Variants in RHBDL3 observed in about 807,000 individuals in gnomAD.
The protein encoded by RHBDL3 is rhomboid like 3.
RHBDL3 carries 28 observed loss-of-function variants against 48.2 expected under a neutral mutation model. That is an observed-to-expected ratio of 0.58 (90% CI 0.43 to 0.80). The LOEUF (loss-of-function observed/expected upper bound fraction) is 0.80, where lower values mean the gene tolerates loss of function less well. Among genes scored for constraint, RHBDL3 ranks in the 30% least tolerant of loss-of-function variants. The probability of loss-of-function intolerance (pLI) is 0.00; values close to 1 mark genes in which losing one functional copy is unlikely to be tolerated. For missense variants in RHBDL3, 464 were observed against 542.7 expected, an observed-to-expected ratio of 0.85 and a Z score of 1.44; for synonymous variants, 208 against 232.3, an observed-to-expected ratio of 0.90 and a Z score of 0.95.
intron 2 of RHBDL3, among the ~76,000 whole-genome samples, chr17:32,269,675 C>A (rs1233253224): frequency 6.6e-6 from 1 of 152,234 alleles, no homozygotes; most frequent in African/African-American, 2.4e-5. Flanking sequence ...GCCACTGCCA[C>A]CACTACCACC....
intron 2 of RHBDL3, among the ~76,000 whole-genome samples, chr17:32,268,824 A>C (rs2039697640): frequency 6.6e-6 from 1 of 152,070 alleles, no homozygotes; most frequent in African/African-American, 2.4e-5. Flanking sequence ...TTGTTATGTG[A>C]TCCAAGCCAG....
At position 32,321,627 on chromosome 17, in the gene RHBDL3, T is replaced by G. The variant is rs1440685946; in HGVS notation, c.*398T>G. On this transcript the variant is annotated 3_prime_UTR_variant, in exon 9 of 9. Coordinates refer to ENST00000269051, the MANE Select transcript of RHBDL3 (RefSeq NM_138328.3). ...GAGACCCTAAGAGACATGGGAAGGC[T>G]CGAAGGTTGTTGCGTCCAGGCATGG... 10 of 345,382 alleles carry G rather than the reference T, an allele frequency of 2.9e-5. No homozygotes were observed. Among genetic ancestry groups the G allele is most frequent in the Non-Finnish European group, 5.6e-5 (10 of 179,032 alleles). The allele number at this position is 345,382 out of a possible 1,614,324, so 21.4% of individuals were successfully genotyped here.
intron 4 of RHBDL3, among the ~76,000 whole-genome samples, chr17:32,293,550 A>G (rs1379570032): frequency 6.6e-6 from 1 of 151,344 alleles, no homozygotes; most frequent in Non-Finnish European, 1.5e-5. Context: ...ATTGCACTCC[A>G]GCCTGGACGA....
chr17:32,273,771 C>G (rs1184435330), intron 2 of RHBDL3, among the ~76,000 whole-genome samples: 1 of 152,134 alleles, frequency 6.6e-6, no homozygotes, highest in Non-Finnish European at 1.5e-5. Flanking sequence ...AGTCTCACCC[C>G]GTTGTCCAGG....
At chr17:32,301,671 A>G (rs1172379549) in intron 6 of RHBDL3, among the ~76,000 whole-genome samples, 1 of 151,990 alleles carries the variant, frequency 6.6e-6, no homozygotes, top group Non-Finnish European at 1.5e-5. Context: ...AAATACAAAA[A>G]TTAGCTGGGC....
At chr17:32,298,270 G>A in intron 6 of RHBDL3, 66 bp downstream of exon 6, 1 of 1,066,020 alleles carries the variant, frequency 9.4e-7, no homozygotes, top group Non-Finnish European at 1.4e-6. Context: ...GACCCTGTGG[G>A]GCGGGGCAAG....
chr17:32,292,124 G>T (rs186486454), intron 4 of RHBDL3, among the ~76,000 whole-genome samples: 1 of 152,090 alleles, frequency 6.6e-6, no homozygotes. Context: ...AGAACACAGG[G>T]ACGTAAATGA....
At chr17:32,308,296 G>A (rs1165336478) in intron 7 of RHBDL3, among the ~76,000 whole-genome samples, 1 of 152,176 alleles carries the variant, frequency 6.6e-6, no homozygotes, top group East Asian at 1.9e-4. Context: ...CCAGGAGGTT[G>A]TGTGGGTTGG....
intron 6 of RHBDL3, among the ~76,000 whole-genome samples, chr17:32,304,717 G>C (rs769204660): frequency 3.9e-5 from 6 of 152,216 alleles, no homozygotes; most frequent in Admixed American, 1.3e-4. Context: ...ATTGGATTGA[G>C]AGGCAGATAA....
chr17:32,311,169 C>A (rs2040840250), intron 7 of RHBDL3, among the ~76,000 whole-genome samples: 1 of 152,238 alleles, frequency 6.6e-6, no homozygotes, highest in Non-Finnish European at 1.5e-5. Context: ...AGTACTATCT[C>A]ACTCTTTGAG....
intron 2 of RHBDL3, among the ~76,000 whole-genome samples, chr17:32,271,030 C>T (rs542067102): frequency 2.0e-5 from 3 of 152,122 alleles, no homozygotes; most frequent in African/African-American, 4.8e-5. Flanking sequence ...ACCCCACCTC[C>T]GTTTTTTAAA....
chr17:32,287,793 C>T (rs978745892), intron 3 of RHBDL3, among the ~76,000 whole-genome samples: 1 of 152,194 alleles, frequency 6.6e-6, no homozygotes, highest in Non-Finnish European at 1.5e-5. Flanking sequence ...GAGGTGTGGG[C>T]TTGGGAGAGC....
intron 2 of RHBDL3, among the ~76,000 whole-genome samples, chr17:32,276,843 G>T (rs1227267762): frequency 1.0e-5 from 1 of 97,292 alleles, no homozygotes; most frequent in Non-Finnish European, 1.8e-5. Flanking sequence ...CCTTACTCCG[G>T]CCCTAGCACC....
In RHBDL3 at chr17:32,266,226, G is replaced by T. The variant is rs1406769685; in HGVS notation, c.37G>T (p.Ala13Ser). 1.4e-6 allele frequency: 2 copies of T among 1,436,084 alleles called. No individual in the cohort carries two copies. Among genetic ancestry groups the T allele is most frequent in the Non-Finnish European group, 1.8e-6 (2 of 1,100,802 alleles). 89.0% of individuals were successfully genotyped at this position (1,436,084 alleles called of 1,614,324 possible). ...CCCCAGCCCGGGCCCCGCGGTGGCC[G>T]CCTGCGCCGAGGCGGAGCGCATCGA... ...EHPSPGPAVA[A>S]CAEAERIEEL... is the part of the protein sequence containing the mutation. Residue 13 changes from alanine to serine, a missense_variant, in exon 1 of 9, where the codon GCC becomes TCC. By Grantham distance (99) the Ala-to-Ser change is moderately conservative. Transcript: ENST00000269051.
At chr17:32,277,135 C>T (rs2039932740) in intron 2 of RHBDL3, among the ~76,000 whole-genome samples, 1 of 152,176 alleles carries the variant, frequency 6.6e-6, no homozygotes, top group African/African-American at 2.4e-5. Flanking sequence ...AGGTCTTTAC[C>T]CCAGTGGCAG....
At chr17:32,268,031 C>T in intron 2 of RHBDL3, 106 bp downstream of exon 2, 1 of 868,620 alleles carries the variant, frequency 1.2e-6, no homozygotes, top group Non-Finnish European at 2.0e-6. Context: ...GAGATGGTGA[C>T]GTGGGGTGGG....
chr17:32,310,404 C>G (rs931728219), intron 7 of RHBDL3, among the ~76,000 whole-genome samples: 4 of 151,402 alleles, frequency 2.6e-5, no homozygotes, highest in Non-Finnish European at 5.9e-5. Flanking sequence ...ATACGTGAAA[C>G]CCCATATCTA....
rs781350200 is a variant in RHBDL3, at chr17:32,321,384, A to G, written c.*155A>G. 1.3e-6 allele frequency: 2 copies of G among 1,534,072 alleles called. No individual in the cohort carries two copies. Among genetic ancestry groups the G allele is most frequent in the Non-Finnish European group, 1.7e-6 (2 of 1,144,948 alleles). ...TGTTTGTGTTTAGATTTGGACACACAGTGGAGACCCTTTTCTGAAAGGCAT... is the reference window on the plus strand; with the variant it reads ...TGTTTGTGTTTAGATTTGGACACACGGTGGAGACCCTTTTCTGAAAGGCAT... On this transcript the variant is annotated 3_prime_UTR_variant, in exon 9 of 9. Coordinates refer to ENST00000269051, the MANE Select transcript of RHBDL3 (RefSeq NM_138328.3).
chr17:32,316,180 C>T (rs375987840), intron 7 of RHBDL3, 52 bp from the exon 8 acceptor site: 41 of 1,303,744 alleles, frequency 3.1e-5, no homozygotes, highest in Non-Finnish European at 4.1e-5. Context: ...CAAGACACAC[C>T]GGCAGAAGAG....
Sources: allele counts gnomAD v4.1 joint callset (sites outside exome capture counted in the v4.1 genomes callset), GRCh38; gene constraint gnomAD v4.1.1; transcripts MANE v1.5; gene names NCBI Gene and HGNC (gene_info 2026-07-23, HGNC 2026-07-21).